Variants in DCAF12 observed in about 807,000 individuals in gnomAD.
DCAF12 encodes the protein DDB1 and CUL4 associated factor 12.
DCAF12 carries 28 observed loss-of-function variants against 52.8 expected under a neutral mutation model. That is an observed-to-expected ratio of 0.53 (90% CI 0.39 to 0.73). DCAF12 has a LOEUF of 0.73. Among genes scored for constraint, DCAF12 ranks in the 30% least tolerant of loss-of-function variants. The probability of loss-of-function intolerance (pLI) is 0.00; values close to 1 mark genes in which losing one functional copy is unlikely to be tolerated. For synonymous variants in DCAF12, 196 were observed against 215.5 expected (o/e 0.91, Z 0.79); for missense variants, 425 against 552.2 (o/e 0.77, Z 2.31).
rs34360829 is a variant in DCAF12 at position 34,114,108 on chromosome 9, C to CAA, written c.334-6545_334-6544dup. 2.7e-3 allele frequency among the ~76,000 whole-genome samples: 387 copies of CAA among 144,318 alleles called. 1 individual carries two copies. The highest frequency in any genetic ancestry group is 4.9e-3 in the Non-Finnish European group (324 of 66,060). The allele number at this position is 144,318 out of a possible 152,430, so 94.7% of individuals were successfully genotyped here. A position where few individuals can be genotyped will look rare whatever the true frequency, so the allele number is the denominator to read the frequency against. On this transcript the variant is annotated intron_variant, in intron 2 of 8. Coordinates refer to ENST00000361264, the MANE Select transcript of DCAF12 (RefSeq NM_015397.4). Reference sequence around the variant, plus strand: ...GGGCGACAGGGCAAATACTCCGTCTCAAAAAAAAAAATGTGGCACAGATAC... The same window carrying CAA: ...GGGCGACAGGGCAAATACTCCGTCTCAAAAAAAAAAAAATGTGGCACAGATAC...
intron 8 of DCAF12, 107 bp from the exon 9 acceptor site, chr9:34,088,615 T>C: frequency 7.9e-7 from 1 of 1,271,742 alleles, no homozygotes; most frequent in Non-Finnish European, 1.1e-6. Context: ...AACAGGGTTC[T>C]ACAGGTACAA....
At position 34,088,223 on chromosome 9, in the gene DCAF12, T is replaced by G; in HGVS notation, c.*127A>C. On this transcript the variant is annotated 3_prime_UTR_variant, in exon 9 of 9. Coordinates refer to ENST00000361264, the MANE Select transcript of DCAF12 (RefSeq NM_015397.4). ...GCTTCTTCCTATTAAGTGCCTAAAC[T>G]ATAGGCAAACTTTGGTGTTCCCACT... The G allele has an allele frequency of 9.0e-7, 1 of 1,105,942 alleles. No individual in the cohort carries two copies. The highest frequency in any genetic ancestry group is 1.6e-5 in the African/African-American group (1 of 61,952). The allele number at this position is 1,105,942 out of a possible 1,614,324, so 68.5% of individuals were successfully genotyped here.
Position 34,093,313 on chromosome 9 carries a change from A to T in DCAF12, c.997T>A (p.Ser333Thr), listed in dbSNP as rs370349419. ...DPRQPSYNVKSVCSRERGSGI... is the reference protein window; with the variant it reads ...DPRQPSYNVKTVCSRERGSGI... ...CTGCCTCGCTCCCTGGAACAGACAG[A>T]CTTGACGTTGTATGATGGCTGCCGT... is the stretch of plus-strand genomic sequence containing the variant. Residue 333 changes from serine to threonine, a missense_variant, in exon 7 of 9, where the codon TCT becomes ACT. By Grantham distance (58) the Ser-to-Thr change is moderately conservative. This residue lies in a region of DCAF12 where 328 missense variants were observed against 444.4 expected (regional missense o/e 0.74). Transcript: ENST00000361264. 4 of 1,614,082 alleles carry T rather than the reference A, an allele frequency of 2.5e-6. No homozygotes were observed. The highest frequency in any genetic ancestry group is 3.4e-6 in the Non-Finnish European group (4 of 1,180,048).
chr9:34,095,219 C>T (rs1351163863), intron 6 of DCAF12, among the ~76,000 whole-genome samples: 2 of 151,596 alleles, frequency 1.3e-5, no homozygotes, highest in Non-Finnish European at 2.9e-5. Context: ...GGACTACAGA[C>T]GCCCACCACC....
chr9:34,124,141 A>C (rs1829213168), intron 2 of DCAF12, among the ~76,000 whole-genome samples: 1 of 152,152 alleles, frequency 6.6e-6, no homozygotes, highest in Non-Finnish European at 1.5e-5. Flanking sequence ...GATCTAGAGC[A>C]ATCTTCTCTC....
chr9:34,121,089 G>A (rs1010414827), intron 2 of DCAF12, among the ~76,000 whole-genome samples: 2 of 152,152 alleles, frequency 1.3e-5, no homozygotes, highest in African/African-American at 4.8e-5. Context: ...GGGAGACGGA[G>A]GTTGCAGTGA....
intron 7 of DCAF12, 78 bp downstream of exon 7, chr9:34,093,208 G>A: frequency 6.4e-7 from 1 of 1,562,598 alleles, no homozygotes; most frequent in Non-Finnish European, 8.8e-7. Context: ...TACCTGTTTG[G>A]AAACCAACAA....
chr9:34,108,632 C>T (rs1828942970), intron 2 of DCAF12, among the ~76,000 whole-genome samples: 1 of 151,696 alleles, frequency 6.6e-6, no homozygotes, highest in Non-Finnish European at 1.5e-5. Context: ...ACTAAACTTA[C>T]AAAATTAGCT....
Position 34,096,772 on chromosome 9 carries a change from C to T in DCAF12, c.805G>A (p.Ala269Thr). Residue 269 changes from alanine to threonine, a missense_variant, in exon 6 of 9, where the codon GCA (alanine) becomes ACA (threonine). Physicochemically the swap from Ala to Thr is moderately conservative, Grantham distance 58. Transcript: ENST00000361264. ...TGAAAGTAGCCATCCAGAGACACTG[C>T]TCCCAGTTCCTACAAGAGCAATGAA... The part of the protein sequence containing the change: ...AFNNKNKELG[A>T]VSLDGYFHLW... 1.9e-6 allele frequency: 3 copies of T among 1,613,880 alleles called. No homozygotes were observed. Among genetic ancestry groups the T allele is most frequent in the South Asian group, 1.1e-5 (1 of 91,080 alleles).
At chr9:34,110,986 T>G (rs949286123) in intron 2 of DCAF12, among the ~76,000 whole-genome samples, 3 of 67,944 alleles carry the variant, frequency 4.4e-5, no homozygotes, top group African/African-American at 8.1e-5. Context: ...TTCTTTTCTG[T>G]TTTTTTTTTT....
chr9:34,125,162 C>G lies in DCAF12; in HGVS notation c.194G>C (p.Arg65Pro), dbSNP rs1367051033. The change falls in exon 2 of 9, where the codon CGA becomes CCA. Residue 65 changes from arginine (R) to proline (P), a missense_variant. Physicochemically the swap from Arg to Pro is moderately radical, Grantham distance 103. Around this residue, in one of 3 missense-constraint regions of DCAF12, gnomAD observed 89 missense variants for 84.9 expected, o/e 1.05. Coordinates refer to ENST00000361264, the MANE Select transcript of DCAF12 (RefSeq NM_015397.4). ...CTGTGCTGCATAACCATGCAACACT[C>G]GAGAGTAGCTGGTTTCATTCTGTAG... Reference protein sequence around the residue: ...VRLQNETSYSRVLHGYAAQQL... With the variant: ...VRLQNETSYSPVLHGYAAQQL... 4 of 1,614,054 alleles carry G rather than the reference C, an allele frequency of 2.5e-6. No homozygotes were observed. The highest frequency in any genetic ancestry group is 3.4e-6 in the Non-Finnish European group (4 of 1,180,020).
chr9:34,088,503 A>G lies in DCAF12; in HGVS notation c.1209T>C (p.His403=). 6.2e-7 allele frequency: 1 copy of G among 1,614,162 alleles called. No homozygotes were observed. Among genetic ancestry groups the G allele is most frequent in the Non-Finnish European group, 8.5e-7 (1 of 1,180,010 alleles). The change falls in exon 9 of 9, where the codon CAT becomes CAC. Residue 403 remains histidine (H), a synonymous_variant. Transcript: ENST00000361264. ...AAAAGTAATTCCTCCAGGTTTCATC[A>G]TGATTCTACGGGAAGAGAAAGAGAC... is the stretch of plus-strand genomic sequence containing the variant. The part of the protein sequence containing the change: ...KLTTGKGWLN[H]DETWRNYFSD...
Position 34,113,402 on chromosome 9 carries a change from G to A in DCAF12, c.334-5837C>T, listed in dbSNP as rs547264124. ...AACAGAGTCTAGCTCTGTCACCCAA[G>A]CTGGAATGCAGTGGCGTGATCTTGG... On this transcript the variant is annotated intron_variant, in intron 2 of 8. Coordinates refer to ENST00000361264, the MANE Select transcript of DCAF12 (RefSeq NM_015397.4). 2.6e-5 allele frequency among the ~76,000 whole-genome samples: 4 copies of A among 152,028 alleles called. No homozygotes were observed. The South Asian group carries it at 6.2e-4, about 24-fold the overall frequency.
chr9:34,124,962 G>C (rs900267293), intron 2 of DCAF12, 61 bp downstream of exon 2: 3 of 1,586,012 alleles, frequency 1.9e-6, no homozygotes, highest in South Asian at 1.1e-5. Flanking sequence ...AGAGGTTCTA[G>C]AGCAAGTGGA....
chr9:34,117,738 A>G (rs1829109883), intron 2 of DCAF12, among the ~76,000 whole-genome samples: 1 of 152,046 alleles, frequency 6.6e-6, no homozygotes, highest in Non-Finnish European at 1.5e-5. Context: ...AACATGGAGA[A>G]ACCCCATCTC....
Position 34,086,932 on chromosome 9 carries a change from G to C in DCAF12, c.*1418C>G, listed in dbSNP as rs896070637. On this transcript the variant is annotated 3_prime_UTR_variant, in exon 9 of 9. Transcript: ENST00000361264. ...CCCAAAATGGGATGTTGACAGAAAAGCAGAGTATGTGCTTAGAGGAACTGG... is the reference window on the plus strand; with the variant it reads ...CCCAAAATGGGATGTTGACAGAAAACCAGAGTATGTGCTTAGAGGAACTGG... 2.0e-5 allele frequency: 3 copies of C among 152,232 alleles called. No individual in the cohort carries two copies. The highest frequency in any genetic ancestry group is 7.2e-5 in the African/African-American group (3 of 41,458). 9.4% of individuals were successfully genotyped at this position (152,232 alleles called of 1,614,324 possible).
chr9:34,093,699 A>G, intron 6 of DCAF12: 1 of 409,776 alleles, frequency 2.4e-6, no homozygotes, highest in Non-Finnish European at 4.5e-6. Flanking sequence ...ATAAATAATC[A>G]GAAGTAGCTG....
intron 6 of DCAF12, among the ~76,000 whole-genome samples, chr9:34,095,141 C>G (rs1316332809): frequency 6.9e-6 from 1 of 145,518 alleles, no homozygotes; most frequent in Non-Finnish European, 1.5e-5. Context: ...GTGGCATGAT[C>G]TCGGCTCACT....
At chr9:34,095,946 A>G (rs1387219422) in intron 6 of DCAF12, 3 of 152,166 alleles carry the variant, frequency 2.0e-5, no homozygotes, top group African/African-American at 7.2e-5. Context: ...ATGCAATAGG[A>G]AAGAATCACC....
Sources: gnomAD v4.1 joint callset for allele counts (sites outside exome capture counted in the v4.1 genomes callset) on GRCh38, gnomAD v4.1.1 for gene constraint, gnomAD v4.1.1 regional missense constraint, MANE v1.5 for transcripts, NCBI Gene and HGNC (gene_info 2026-07-23, HGNC 2026-07-21) for gene names.